The following CDK5RAP2 variants were observed in gnomAD, a reference collection of about 807,000 sequenced individuals.
The protein encoded by CDK5RAP2 is CDK5 regulatory subunit-associated protein 2.
In CDK5RAP2, 147 loss-of-function variants were observed where a neutral mutation model predicts 232.9. The observed-to-expected ratio is 0.63, with a 90% CI of 0.55 to 0.72. CDK5RAP2 has a LOEUF of 0.72. Ranked by LOEUF, CDK5RAP2 falls within the 30% of genes least tolerant of loss-of-function variation. The pLI is 0.00. For synonymous variants in CDK5RAP2, 833 were observed against 833.7 expected (o/e 1.00, Z 0.01); for missense variants, 2,195 against 2,231.5 (o/e 0.98, Z 0.33).
chr9:120,487,485 A>G (rs774849659), intron 13 of CDK5RAP2, 48 bp from the exon 14 acceptor site: 22 of 1,441,992 alleles, frequency 1.5e-5, no homozygotes, highest in Non-Finnish European at 2.1e-5. Context: ...AAGAAAAAAA[A>G]TATTAAGAAA....
chr9:120,531,481 T>C (rs1443479602), intron 7 of CDK5RAP2, among the ~76,000 whole-genome samples: 2 of 152,166 alleles, frequency 1.3e-5, no homozygotes, highest in East Asian at 3.8e-4. Flanking sequence ...ATTCCATCTC[T>C]CTGAGCCTGT....
intron 25 of CDK5RAP2, among the ~76,000 whole-genome samples, chr9:120,436,090 T>G (rs908509491): frequency 3.0e-4 from 45 of 152,196 alleles, no homozygotes; most frequent in Non-Finnish European, 1.2e-4. Flanking sequence ...TGGAGAAAAC[T>G]GACAGACATT....
chr9:120,412,390 A>C (rs2033904253), intron 28 of CDK5RAP2, among the ~76,000 whole-genome samples: 1 of 152,016 alleles, frequency 6.6e-6, no homozygotes, highest in African/African-American at 2.4e-5. Flanking sequence ...TTTCCTAGCC[A>C]CCCTGCAGTG....
At chr9:120,423,102 A>G (rs2034667684) in intron 25 of CDK5RAP2, among the ~76,000 whole-genome samples, 1 of 152,224 alleles carries the variant, frequency 6.6e-6, no homozygotes. Flanking sequence ...TCCCACAGCC[A>G]AGTTACTGGA....
intron 35 of CDK5RAP2, among the ~76,000 whole-genome samples, chr9:120,399,639 C>A (rs1046090659): frequency 6.6e-6 from 1 of 152,198 alleles, no homozygotes; most frequent in African/African-American, 2.4e-5. Flanking sequence ...TCACCTAAGC[C>A]TAAGATGGAA....
rs182195261 is a variant in CDK5RAP2, at chr9:120,549,476, T to C, written c.306+1316A>G. The stretch of plus-strand genomic sequence containing the variant: ...GAAATCAAGTCATCTAGTCAGACAA[T>C]TGAAGTGGTATAGTACAATGAGATT... On this transcript the variant is annotated intron_variant, in intron 4 of 37. Coordinates refer to ENST00000349780, the MANE Select transcript of CDK5RAP2 (RefSeq NM_018249.6). 1.9e-3 allele frequency among the ~76,000 whole-genome samples: 282 copies of C among 152,266 alleles called. 2 individuals are homozygous for C. Among genetic ancestry groups the C allele is most frequent in the Non-Finnish European group, 5.0e-4 (34 of 68,022 alleles).
rs182820212 is a variant in CDK5RAP2, at chr9:120,545,135, A to G, written c.383+579T>C. ...TAGGACACTTAACAGATCTTAAAGA[A>G]AAAAAAAAGACATTTACTGTGGCTG... is the stretch of plus-strand genomic sequence containing the variant. On this transcript the variant is annotated intron_variant, in intron 5 of 37. Transcript: ENST00000349780. Among the ~76,000 whole-genome samples, 360 of 151,618 alleles carry G rather than the reference A, an allele frequency of 2.4e-3. 2 individuals carry two copies. Among genetic ancestry groups the G allele is most frequent in the African/African-American group, 8.1e-3 (336 of 41,318 alleles).
chr9:120,471,491 G>T (rs991582970), intron 16 of CDK5RAP2, among the ~76,000 whole-genome samples: 1 of 152,170 alleles, frequency 6.6e-6, no homozygotes, highest in Non-Finnish European at 1.5e-5. Flanking sequence ...TTTGGAACTA[G>T]AAGTATCAAA....
At chr9:120,507,271 A>C (rs911278111) in intron 12 of CDK5RAP2, among the ~76,000 whole-genome samples, 1 of 152,232 alleles carries the variant, frequency 6.6e-6, no homozygotes, top group Non-Finnish European at 1.5e-5. Flanking sequence ...AAACCAAAAA[A>C]TTCGTAAGAC....
intron 2 of CDK5RAP2, among the ~76,000 whole-genome samples, chr9:120,570,468 A>G (rs1366701438): frequency 6.6e-6 from 1 of 152,230 alleles, no homozygotes; most frequent in African/African-American, 2.4e-5. Flanking sequence ...TCAGCTTAAC[A>G]GTAACCACAT....
intron 24 of CDK5RAP2, 48 bp from the exon 25 acceptor site, chr9:120,437,575 T>A (rs934501149): frequency 1.4e-6 from 2 of 1,404,068 alleles, no homozygotes; most frequent in Non-Finnish European, 2.0e-6. Flanking sequence ...TAGAATTGAA[T>A]TTTTGTGACC....
intron 1 of CDK5RAP2, among the ~76,000 whole-genome samples, chr9:120,577,989 G>A (rs748846831): frequency 3.3e-5 from 5 of 152,312 alleles, no homozygotes; most frequent in Middle Eastern, 3.4e-3. Flanking sequence ...TAGTTCTCAC[G>A]CCGGGCGCGG....
chr9:120,573,565 TAA>T (rs547643481), intron 1 of CDK5RAP2, among the ~76,000 whole-genome samples: 19 of 145,896 alleles, frequency 1.3e-4, no homozygotes, highest in South Asian at 4.4e-4. Context: ...AAAAAAAATT[TAA>T]AAAAAAAAGT....
In CDK5RAP2 at chr9:120,453,575, C is replaced by T; in HGVS notation, c.2674G>A (p.Glu892Lys). 6.2e-7 allele frequency: 1 copy of T among 1,614,170 alleles called. No homozygotes were observed. The highest frequency in any genetic ancestry group is 8.5e-7 in the Non-Finnish European group (1 of 1,180,026). The change falls in exon 21 of 38, where the codon GAG becomes AAG. Residue 892 changes from glutamate (E) to lysine (K), a missense_variant. Glu to Lys is a moderately conservative substitution (Grantham distance 56, BLOSUM62 1). Transcript: ENST00000349780. Reference sequence around the variant, plus strand: ...TTGATCGGTTTCTCTTCCCAAGCCTCTCTTGTTGCTTCATGCTTGAATCTC... The same window carrying T: ...TTGATCGGTTTCTCTTCCCAAGCCTTTCTTGTTGCTTCATGCTTGAATCTC... ...LLRFKHEATREAWEEKPINTA... is the reference protein window; with the variant it reads ...LLRFKHEATRKAWEEKPINTA...
Position 120,487,307 on chromosome 9 carries a change from G to A in CDK5RAP2, c.1613C>T (p.Thr538Ile), listed in dbSNP as rs912187012. The change falls in exon 14 of 38, where the codon ACC becomes ATC. Residue 538 changes from threonine (T) to isoleucine (I), a missense_variant. Coordinates refer to ENST00000349780, the MANE Select transcript of CDK5RAP2 (RefSeq NM_018249.6). ...CSSQQPPGSK[T>I]IFSKEKKQSS... Reference sequence around the variant, plus strand: ...AGTCAAGCTTACCTTAGAGAAGATGGTTTTGCTGCCTGGTGGCTGTTGAGA... The same window carrying A: ...AGTCAAGCTTACCTTAGAGAAGATGATTTTGCTGCCTGGTGGCTGTTGAGA... 8.1e-6 allele frequency: 13 copies of A among 1,613,946 alleles called. No individual in the cohort carries two copies. The highest frequency in any genetic ancestry group is 1.0e-5 in the Non-Finnish European group (12 of 1,180,012).
intron 17 of CDK5RAP2, among the ~76,000 whole-genome samples, chr9:120,469,380 C>T (rs536257208): frequency 3.9e-4 from 60 of 152,338 alleles, no homozygotes; most frequent in African/African-American, 1.2e-3. Context: ...GCTGCCCATA[C>T]AGCAACCTTG....
intron 1 of CDK5RAP2, among the ~76,000 whole-genome samples, chr9:120,573,366 T>C (rs1331483444): frequency 6.6e-6 from 1 of 152,052 alleles, no homozygotes; most frequent in Non-Finnish European, 1.5e-5. Flanking sequence ...CTGGCCAACA[T>C]GGTAAAACCC....
intron 14 of CDK5RAP2, 82 bp from the exon 15 acceptor site, chr9:120,477,532 A>G (rs1304615041): frequency 9.2e-7 from 1 of 1,091,408 alleles, no homozygotes; most frequent in Non-Finnish European, 1.4e-6. Flanking sequence ...ATATGTAGCT[A>G]GTCCCAGTTT....
rs560168780 is a variant in CDK5RAP2, at chr9:120,566,827, TCA to T, written c.195+1492_195+1493del. Reference sequence around the variant, plus strand: ...TTTTGTCACATCACATCCCTGGGCCTCAGTTTCTCCTATATATAATAAAGAGG... The same window carrying T: ...TTTTGTCACATCACATCCCTGGGCCTGTTTCTCCTATATATAATAAAGAGG... On this transcript the variant is annotated intron_variant, in intron 3 of 37. Transcript: ENST00000349780. Among the ~76,000 whole-genome samples the T allele has an allele frequency of 2.3e-3, 349 of 152,348 alleles. 2 individuals carry two copies. The highest frequency in any genetic ancestry group is 8.0e-3 in the African/African-American group (333 of 41,578).
Sources: gnomAD v4.1 joint callset for allele counts (sites outside exome capture counted in the v4.1 genomes callset) on GRCh38, gnomAD v4.1.1 for gene constraint, MANE v1.5 for transcripts, NCBI Gene and HGNC (gene_info 2026-07-23, HGNC 2026-07-21) for gene names.